KPNA3: variants seen among roughly 807,000 people sequenced by gnomAD.
The protein encoded by KPNA3 is importin subunit alpha-4.
In KPNA3, 13 loss-of-function variants were observed where a neutral mutation model predicts 73.8. The observed-to-expected ratio is 0.18, with a 90% CI of 0.11 to 0.28. The LOEUF (loss-of-function observed/expected upper bound fraction) is 0.28, where lower values mean the gene tolerates loss of function less well. Among genes scored for constraint, KPNA3 ranks in the 10% least tolerant of loss-of-function variants. The pLI, the probability that KPNA3 is intolerant of heterozygous loss-of-function variation, is 1.00. For synonymous variants in KPNA3, 186 were observed against 206.9 expected (o/e 0.90, Z 0.87); for missense variants, 360 against 618.1 (o/e 0.58, Z 4.43).
intron 2 of KPNA3, among the ~76,000 whole-genome samples, chr13:49,740,451 C>T (rs751054370): frequency 3.3e-5 from 5 of 152,008 alleles, no homozygotes; most frequent in African/African-American, 9.7e-5. Context: ...TCCCGTGTGC[C>T]GTGGGAGGTG....
intron 1 of KPNA3, 108 bp downstream of exon 1, chr13:49,792,330 C>T (rs1955041004): frequency 4.9e-6 from 3 of 615,738 alleles, no homozygotes; most frequent in Non-Finnish European, 6.8e-6. Flanking sequence ...CGGCCAACTC[C>T]GGCCGACCAC....
intron 1 of KPNA3, among the ~76,000 whole-genome samples, chr13:49,762,231 G>A (rs1253883189): frequency 1.3e-4 from 20 of 149,158 alleles, no homozygotes; most frequent in East Asian, 4.1e-4. Context: ...CAGCCGCCCC[G>A]TCGCGGAGGG....
At chr13:49,768,023 C>T (rs1954822703) in intron 1 of KPNA3, among the ~76,000 whole-genome samples, 1 of 152,010 alleles carries the variant, frequency 6.6e-6, no homozygotes. Flanking sequence ...TGCTGCTACA[C>T]AATCCCAGCA....
Position 49,701,749 on chromosome 13 carries a change from T to A in KPNA3, c.*51A>T. The A allele has an allele frequency of 1.9e-6, 2 of 1,080,314 alleles. No individual in the cohort carries two copies. The highest frequency in any genetic ancestry group is 2.4e-5 in the East Asian group (1 of 42,382). 66.9% of individuals were successfully genotyped at this position (1,080,314 alleles called of 1,614,324 possible). ...TGTTGTTCTTATCATTTGGTAGCCA[T>A]CTGGTGGTGCTTCATATTGAATGTG... On this transcript the variant is annotated 3_prime_UTR_variant, in exon 17 of 17. Coordinates refer to ENST00000261667, the MANE Select transcript of KPNA3 (RefSeq NM_002267.4).
chr13:49,738,683 A>G (rs74076236), intron 2 of KPNA3, among the ~76,000 whole-genome samples: 138 of 152,268 alleles, frequency 9.1e-4, no homozygotes, highest in African/African-American at 3.2e-3. Flanking sequence ...TGATTTCTTT[A>G]TTCTGTGACC....
At position 49,742,118 on chromosome 13, in the gene KPNA3, A is replaced by G. The variant is rs144539893; in HGVS notation, c.114+4831T>C. The stretch of plus-strand genomic sequence containing the variant: ...CTCATTCATCTGCATGTAGATAGCC[A>G]GTTTTTCCAAGACCATTTATTGAAA... On this transcript the variant is annotated intron_variant, in intron 2 of 16. Coordinates refer to ENST00000261667, the MANE Select transcript of KPNA3 (RefSeq NM_002267.4). 1.5e-3 allele frequency among the ~76,000 whole-genome samples: 223 copies of G among 152,316 alleles called. 1 individual carries two copies. The highest frequency in any genetic ancestry group is 4.9e-3 in the African/African-American group (204 of 41,568).
At chr13:49,701,935 GATACTATAC>G (rs1270607304) in intron 16 of KPNA3, 37 bp from the exon 17 acceptor site, 9 of 1,343,114 alleles carry the variant, frequency 6.7e-6, no homozygotes, top group Non-Finnish European at 9.6e-6. Flanking sequence ...ATTAGGTTAT[GATACTATAC>G]ATTATGATGT....
intron 1 of KPNA3, among the ~76,000 whole-genome samples, chr13:49,747,410 G>A (rs1277138668): frequency 6.6e-6 from 1 of 152,012 alleles, no homozygotes; most frequent in Non-Finnish European, 1.5e-5. Flanking sequence ...TTTAATATTG[G>A]CTGGGTGCAG....
At chr13:49,788,348 CT>C (rs1265757281) in intron 1 of KPNA3, among the ~76,000 whole-genome samples, 1 of 152,194 alleles carries the variant, frequency 6.6e-6, no homozygotes, top group African/African-American at 2.4e-5. Context: ...GTTTTGCACA[CT>C]TTTCTATAAG....
chr13:49,752,818 G>C (rs890542785), intron 1 of KPNA3, among the ~76,000 whole-genome samples: 1 of 151,888 alleles, frequency 6.6e-6, no homozygotes, highest in Non-Finnish European at 1.5e-5. Flanking sequence ...CATGAGGTCA[G>C]GAGATCGAGA....
In KPNA3 at chr13:49,743,989, C is replaced by T. The variant is rs576501591; in HGVS notation, c.114+2960G>A. Among the ~76,000 whole-genome samples, 173 of 152,168 alleles carry T rather than the reference C, an allele frequency of 1.1e-3. 1 individual carries two copies. Among genetic ancestry groups the T allele is most frequent in the Middle Eastern group, 0.01 (3 of 294 alleles). On this transcript the variant is annotated intron_variant, in intron 2 of 16. Transcript: ENST00000261667. ...GAATGAAAATCCAGACAAAAAAGGA[C>T]GCACACTATTCTACCTATATAGAGT...
At chr13:49,787,057 G>A (rs1159756622) in intron 1 of KPNA3, among the ~76,000 whole-genome samples, 1 of 152,174 alleles carries the variant, frequency 6.6e-6, no homozygotes, top group Non-Finnish European at 1.5e-5. Flanking sequence ...GGGAGTCAAG[G>A]ATAGAATCTT....
At chr13:49,767,010 T>C (rs1471406966) in intron 1 of KPNA3, among the ~76,000 whole-genome samples, 1 of 151,594 alleles carries the variant, frequency 6.6e-6, no homozygotes, top group Non-Finnish European at 1.5e-5. Flanking sequence ...TTTTTTTTTT[T>C]TTTTATAATT....
At chr13:49,734,587 A>G (rs1305355807) in intron 2 of KPNA3, among the ~76,000 whole-genome samples, 1 of 152,218 alleles carries the variant, frequency 6.6e-6, no homozygotes, top group Non-Finnish European at 1.5e-5. Flanking sequence ...GACTACCTCG[A>G]GATCTAATAG....
chr13:49,765,209 C>G (rs1954799214), intron 1 of KPNA3, among the ~76,000 whole-genome samples: 1 of 152,078 alleles, frequency 6.6e-6, no homozygotes, highest in African/African-American at 2.4e-5. Flanking sequence ...CTGAATTGGG[C>G]AGTAATATGT....
Position 49,709,576 on chromosome 13 carries a change from T to C in KPNA3, c.1028A>G (p.Asn343Ser), listed in dbSNP as rs564882588. Reference protein sequence around the residue: ...NLLSHPKEKINKEAVWFLSNI... With the variant: ...NLLSHPKEKISKEAVWFLSNI... ...TGAGGACATTATATGCCTTACCTTA[T>C]TTATCTTCTCTTTTGGGTGTGATAA... Residue 343 changes from asparagine (N) to serine (S), a missense_variant, in exon 12 of 17, where the codon AAT becomes AGT. Coordinates refer to ENST00000261667, the MANE Select transcript of KPNA3 (RefSeq NM_002267.4). 1 of 1,612,616 alleles carries C rather than the reference T, an allele frequency of 6.2e-7. No homozygotes were observed. Among genetic ancestry groups the C allele is most frequent in the Admixed American group, 1.7e-5 (1 of 59,878 alleles).
chr13:49,748,617 C>A (rs1954637828), intron 1 of KPNA3, among the ~76,000 whole-genome samples: 1 of 151,852 alleles, frequency 6.6e-6, no homozygotes, highest in South Asian at 2.1e-4. Flanking sequence ...AGTTTGCTAA[C>A]TATACTGAAA....
intron 12 of KPNA3, among the ~76,000 whole-genome samples, chr13:49,708,819 A>T (rs578080140): frequency 6.6e-6 from 1 of 152,362 alleles, no homozygotes; most frequent in Non-Finnish European, 1.5e-5. Flanking sequence ...AATTAATAAT[A>T]AACTTGTCTA....
intron 2 of KPNA3, among the ~76,000 whole-genome samples, chr13:49,733,339 G>A (rs1954489018): frequency 7.2e-6 from 1 of 138,752 alleles, no homozygotes; most frequent in Non-Finnish European, 1.5e-5. Flanking sequence ...CCAGTCTGGA[G>A]TGCAGTGGCA....
Sources: gnomAD v4.1 joint callset for allele counts (sites outside exome capture counted in the v4.1 genomes callset) on GRCh38, gnomAD v4.1.1 for gene constraint, MANE v1.5 for transcripts, NCBI Gene and HGNC (gene_info 2026-07-23, HGNC 2026-07-21) for gene names.